Variants in MDFIC observed in about 807,000 individuals in gnomAD.
The protein encoded by MDFIC is myoD family inhibitor domain-containing protein.
In MDFIC, 17 loss-of-function variants were observed where a neutral mutation model predicts 23.2. The observed-to-expected ratio is 0.73, with a 90% CI of 0.50 to 1.10. The LOEUF (loss-of-function observed/expected upper bound fraction) is 1.10. MDFIC is among the 50% of genes least tolerant of loss of function. The probability of loss-of-function intolerance (pLI) is 0.00; values close to 1 mark genes in which losing one functional copy is unlikely to be tolerated. For missense variants in MDFIC, 356 were observed against 316.6 expected, an observed-to-expected ratio of 1.12 and a Z score of -0.95; for synonymous variants, 120 against 115.2, an observed-to-expected ratio of 1.04 and a Z score of -0.27.
intron 2 of MDFIC, among the ~76,000 whole-genome samples, chr7:114,941,422 T>C (rs1176082707): frequency 2.0e-5 from 3 of 152,208 alleles, no homozygotes; most frequent in Admixed American, 6.6e-5. Context: ...AGTTGGAACC[T>C]TTGCCCAAAC....
chr7:114,922,596 G>A lies in MDFIC; in HGVS notation c.-148G>A. 1 of 1,269,294 alleles carries A rather than the reference G, an allele frequency of 7.9e-7. No individual in the cohort carries two copies. The highest frequency in any genetic ancestry group is 1.0e-6 in the Non-Finnish European group (1 of 1,000,012). The allele number at this position is 1,269,294 out of a possible 1,614,324, so 78.6% of individuals were successfully genotyped here. On this transcript the variant is annotated 5_prime_UTR_variant, in exon 1 of 5. Transcript: ENST00000393486. ...TTCCGGGGCGGAAGAGGAGGAGGAG[G>A]AGGAGGAAGGGGCTTGGAGCGACTA...
intron 3 of MDFIC, among the ~76,000 whole-genome samples, chr7:114,951,672 C>G (rs960824387): frequency 6.6e-6 from 1 of 151,364 alleles, no homozygotes; most frequent in Non-Finnish European, 1.5e-5. Flanking sequence ...TTTTTTTTCC[C>G]ATGAAGTGAA....
chr7:114,948,200 T>C (rs113733562), intron 3 of MDFIC, among the ~76,000 whole-genome samples: 1 of 127,312 alleles, frequency 7.9e-6, no homozygotes, highest in South Asian at 2.9e-4. Context: ...AGGTTCTAAA[T>C]CACTACAGTA....
At chr7:115,003,389 G>A (rs907863851) in intron 4 of MDFIC, among the ~76,000 whole-genome samples, 1 of 152,054 alleles carries the variant, frequency 6.6e-6, no homozygotes, top group African/African-American at 2.4e-5. Context: ...ACTTAGCAAG[G>A]CTCACACTCA....
chr7:114,981,169 G>A (rs1395278320), intron 4 of MDFIC, among the ~76,000 whole-genome samples: 3 of 152,100 alleles, frequency 2.0e-5, no homozygotes, highest in Non-Finnish European at 2.9e-5. Flanking sequence ...ATAATTGAAT[G>A]CAATTGAAAT....
intron 3 of MDFIC, among the ~76,000 whole-genome samples, chr7:114,955,004 G>T (rs1253849328): frequency 6.6e-6 from 1 of 151,800 alleles, no homozygotes; most frequent in Non-Finnish European, 1.5e-5. Flanking sequence ...TCGGTCTTTT[G>T]CATACCAGAT....
At chr7:114,967,357 A>G (rs1793117762) in intron 3 of MDFIC, among the ~76,000 whole-genome samples, 1 of 152,220 alleles carries the variant, frequency 6.6e-6, no homozygotes, top group African/African-American at 2.4e-5. Flanking sequence ...AAAAGACATT[A>G]AGGGAGAATG....
chr7:114,936,707 G>T (rs1334625534), intron 2 of MDFIC, among the ~76,000 whole-genome samples: 1 of 152,284 alleles, frequency 6.6e-6, no homozygotes, highest in Admixed American at 6.5e-5. Context: ...TAGCTGAGCT[G>T]CAGAGGATTT....
At chr7:114,957,863 A>G (rs1043956963) in intron 3 of MDFIC, among the ~76,000 whole-genome samples, 1 of 152,226 alleles carries the variant, frequency 6.6e-6, no homozygotes, top group Non-Finnish European at 1.5e-5. Flanking sequence ...CATTGCATCT[A>G]TACAACTTTT....
chr7:114,999,478 G>A (rs1791414924), intron 4 of MDFIC, among the ~76,000 whole-genome samples: 1 of 151,728 alleles, frequency 6.6e-6, no homozygotes, highest in African/African-American at 2.4e-5. Flanking sequence ...AAAACTAACT[G>A]AAGCAACATA....
Position 114,922,501 on chromosome 7 carries a change from G to T in MDFIC, c.-243G>T, listed in dbSNP as rs1792102278. ...GAGCCGGAGGGAGGCGGGAGGACGC[G>T]CAGGGGCGGCCGCCGCCGTCGTCAG... On this transcript the variant is annotated 5_prime_UTR_variant, in exon 1 of 5. Coordinates refer to ENST00000393486, the MANE Select transcript of MDFIC (RefSeq NM_001166345.3). 3 of 1,255,600 alleles carry T rather than the reference G, an allele frequency of 2.4e-6. No homozygotes were observed. Among genetic ancestry groups the T allele is most frequent in the Admixed American group, 4.2e-5 (1 of 23,874 alleles). 77.8% of individuals were successfully genotyped at this position (1,255,600 alleles called of 1,614,324 possible). A position where few individuals can be genotyped will look rare whatever the true frequency, so the allele number is the denominator to read the frequency against.
At chr7:114,943,586 C>T (rs932706737) in intron 3 of MDFIC, among the ~76,000 whole-genome samples, 3 of 152,118 alleles carry the variant, frequency 2.0e-5, no homozygotes, top group African/African-American at 7.2e-5. Context: ...ATTTATATAG[C>T]TTTATCCAAA....
At chr7:114,985,088 G>T (rs2115991519) in intron 4 of MDFIC, among the ~76,000 whole-genome samples, 1 of 152,268 alleles carries the variant, frequency 6.6e-6, no homozygotes, top group Non-Finnish European at 1.5e-5. Context: ...TCTGAAACTA[G>T]CCTGGTTGGG....
At chr7:114,948,700 T>C (rs931809258) in intron 3 of MDFIC, among the ~76,000 whole-genome samples, 2 of 152,198 alleles carry the variant, frequency 1.3e-5, no homozygotes, top group Non-Finnish European at 2.9e-5. Flanking sequence ...CATATATAGA[T>C]ATTGTTCATC....
At chr7:115,002,286 CTT>C (rs767065969) in intron 4 of MDFIC, among the ~76,000 whole-genome samples, 1 of 152,194 alleles carries the variant, frequency 6.6e-6, no homozygotes, top group Non-Finnish European at 1.5e-5. Context: ...GATTCTCTGT[CTT>C]TTCAACTCCC....
chr7:114,923,235 C>A, intron 2 of MDFIC, 108 bp downstream of exon 2: 1 of 1,397,928 alleles, frequency 7.2e-7, no homozygotes. Context: ...GAGGGGCTCC[C>A]ACTCGTAGTT....
chr7:115,008,915 A>AT (rs1791625488), intron 4 of MDFIC, among the ~76,000 whole-genome samples: 1 of 152,236 alleles, frequency 6.6e-6, no homozygotes. Context: ...GAGTCCTGTT[A>AT]TACCGCCACT....
chr7:114,971,485 G>C (rs913143204), intron 3 of MDFIC, among the ~76,000 whole-genome samples: 7 of 152,142 alleles, frequency 4.6e-5, no homozygotes, highest in Admixed American at 1.3e-4. Flanking sequence ...TATCAGAAAA[G>C]CGTTCTGCAT....
At chr7:115,003,951 AATT>A (rs1171319798) in intron 4 of MDFIC, among the ~76,000 whole-genome samples, 1 of 152,208 alleles carries the variant, frequency 6.6e-6, no homozygotes, top group Non-Finnish European at 1.5e-5. Flanking sequence ...TATCTCATAA[AATT>A]ATTCTAAGAG....
Sources: allele counts gnomAD v4.1 joint callset (sites outside exome capture counted in the v4.1 genomes callset), GRCh38; gene constraint gnomAD v4.1.1; transcripts MANE v1.5; gene names NCBI Gene and HGNC (gene_info 2026-07-23, HGNC 2026-07-21).